Variants in CDK19 observed in about 807,000 individuals in gnomAD.
The protein encoded by CDK19 is cyclin dependent kinase 19.
In CDK19, 20 loss-of-function variants were observed where a neutral mutation model predicts 68.3. The observed-to-expected ratio is 0.29, with a 90% CI of 0.21 to 0.43. The LOEUF (loss-of-function observed/expected upper bound fraction) is 0.43, where lower values mean the gene tolerates loss of function less well. Among genes scored for constraint, CDK19 ranks in the 20% least tolerant of loss-of-function variants. CDK19 has a pLI of 1.00. For missense variants in CDK19, 339 were observed against 623.5 expected, an observed-to-expected ratio of 0.54 and a Z score of 4.86; for synonymous variants, 221 against 222.8, an observed-to-expected ratio of 0.99 and a Z score of 0.07.
intron 2 of CDK19, among the ~76,000 whole-genome samples, chr6:110,707,851 A>T (rs1316168400): frequency 5.3e-5 from 8 of 152,118 alleles, no homozygotes; most frequent in African/African-American, 1.9e-4. Context: ...AGGCACCTGT[A>T]GTCCCAGCTA....
chr6:110,806,337 T>C (rs934051391), intron 1 of CDK19, among the ~76,000 whole-genome samples: 1 of 106,356 alleles, frequency 9.4e-6, no homozygotes, highest in Non-Finnish European at 2.3e-5. Context: ...CGAAACTCCA[T>C]CTCAAAAAAA....
At chr6:110,728,201 T>C (rs1355320551) in intron 2 of CDK19, among the ~76,000 whole-genome samples, 1 of 151,676 alleles carries the variant, frequency 6.6e-6, no homozygotes, top group Non-Finnish European at 1.5e-5. Flanking sequence ...GGCAGCAGAA[T>C]TGCTTGAACC....
chr6:110,797,491 C>A (rs1185718464), intron 1 of CDK19, among the ~76,000 whole-genome samples: 1 of 151,592 alleles, frequency 6.6e-6, no homozygotes. Flanking sequence ...TTCTGTTAAC[C>A]TCTTATTAAG....
At chr6:110,741,412 G>C (rs182641606) in intron 2 of CDK19, among the ~76,000 whole-genome samples, 37 of 151,890 alleles carry the variant, frequency 2.4e-4, no homozygotes, top group Non-Finnish European at 3.8e-4. Flanking sequence ...CAGCGAGCAT[G>C]ATTATGCCAC....
intron 1 of CDK19, among the ~76,000 whole-genome samples, chr6:110,758,814 T>C (rs945364274): frequency 2.6e-5 from 4 of 152,146 alleles, no homozygotes; most frequent in African/African-American, 9.7e-5. Context: ...TATTTTGCCA[T>C]TCTTAAATCC....
chr6:110,743,145 A>G (rs932875345), intron 2 of CDK19, among the ~76,000 whole-genome samples: 3 of 152,200 alleles, frequency 2.0e-5, no homozygotes, highest in African/African-American at 4.8e-5. Context: ...GGTTCCCCCA[A>G]TAAAACAATA....
Position 110,667,556 on chromosome 6 carries a change from G to A in CDK19, c.334C>T (p.Arg112Cys), listed in dbSNP as rs1219070923. ...GGCTTTTTATTTGCTTTTGATGCAC[G>A]GTGAAACTTAATAATATGCTAAAAA... is the stretch of plus-strand genomic sequence containing the variant. The part of the protein sequence containing the change: ...HDLWHIIKFH[R>C]ASKANKKPMQ... The change falls in exon 4 of 13, where the codon CGT becomes TGT. Residue 112 changes from arginine to cysteine, a missense_variant. By Grantham distance (180) the Arg-to-Cys change is radical (BLOSUM62 -3). Around this residue, in one of 4 missense-constraint regions of CDK19, gnomAD observed 120 missense variants for 224.0 expected, o/e 0.54. Coordinates refer to ENST00000368911, the MANE Select transcript of CDK19 (RefSeq NM_015076.5). 5 of 1,545,284 alleles carry A rather than the reference G, an allele frequency of 3.2e-6. No individual in the cohort carries two copies. Among genetic ancestry groups the A allele is most frequent in the Admixed American group, 1.9e-5 (1 of 53,710 alleles).
At chr6:110,733,212 A>T (rs1368642988) in intron 2 of CDK19, among the ~76,000 whole-genome samples, 1 of 152,180 alleles carries the variant, frequency 6.6e-6, no homozygotes, top group Non-Finnish European at 1.5e-5. Context: ...CATATGTGTT[A>T]TTTTGTATCT....
intron 2 of CDK19, among the ~76,000 whole-genome samples, chr6:110,723,265 G>A: frequency 6.6e-6 from 1 of 151,756 alleles, no homozygotes; most frequent in Non-Finnish European, 1.5e-5. Flanking sequence ...CTAGGTACCA[G>A]ACATGTTGGT....
At chr6:110,741,335 ACCTGCAGTC>A in intron 2 of CDK19, among the ~76,000 whole-genome samples, 1 of 152,018 alleles carries the variant, frequency 6.6e-6, no homozygotes, top group Non-Finnish European at 1.5e-5. Flanking sequence ...GGTGGTGCAT[ACCTGCAGTC>A]CCAGCTACTT....
intron 1 of CDK19, among the ~76,000 whole-genome samples, chr6:110,750,114 T>G (rs1454547139): frequency 1.4e-5 from 2 of 145,350 alleles, no homozygotes; most frequent in Admixed American, 1.3e-4. Flanking sequence ...ATGACCTAAA[T>G]GAAGACCTGG....
chr6:110,637,686 GA>G (rs1779869255), intron 5 of CDK19, among the ~76,000 whole-genome samples: 1 of 152,188 alleles, frequency 6.6e-6, no homozygotes, highest in Non-Finnish European at 1.5e-5. Context: ...TCTAGTAAAA[GA>G]AACCAGAATA....
At chr6:110,744,858 C>T (rs1026836436) in intron 2 of CDK19, among the ~76,000 whole-genome samples, 9 of 152,300 alleles carry the variant, frequency 5.9e-5, no homozygotes, top group African/African-American at 2.2e-4. Flanking sequence ...TTTCCCACCC[C>T]ATGTGTTCTT....
intron 1 of CDK19, among the ~76,000 whole-genome samples, chr6:110,764,508 A>C (rs1192679259): frequency 1.1e-4 from 17 of 152,206 alleles, no homozygotes; most frequent in Admixed American, 1.1e-3. Flanking sequence ...ATGGAGAAAG[A>C]AGTTGTTTCA....
chr6:110,711,613 A>G (rs1337473606), intron 2 of CDK19, among the ~76,000 whole-genome samples: 1 of 152,242 alleles, frequency 6.6e-6, no homozygotes, highest in African/African-American at 2.4e-5. Context: ...TCAAAGGAAA[A>G]TATCAGGTCT....
At chr6:110,664,995 G>A (rs1484873512) in intron 4 of CDK19, among the ~76,000 whole-genome samples, 2 of 152,164 alleles carry the variant, frequency 1.3e-5, no homozygotes, top group Non-Finnish European at 2.9e-5. Flanking sequence ...CAGTAGTAAA[G>A]TATACATGAA....
chr6:110,762,037 G>A (rs1779264960), intron 1 of CDK19, among the ~76,000 whole-genome samples: 1 of 152,122 alleles, frequency 6.6e-6, no homozygotes, highest in Admixed American at 6.6e-5. Flanking sequence ...AGATGAATTT[G>A]GGGACTGATA....
chr6:110,688,793 G>A lies in CDK19; in HGVS notation c.205-18252C>T, dbSNP rs551902065. 3.0e-4 allele frequency among the ~76,000 whole-genome samples: 46 copies of A among 152,326 alleles called. No individual in the cohort carries two copies. In the South Asian group the frequency reaches 9.3e-3, roughly 31 times the overall value. On this transcript the variant is annotated intron_variant, in intron 2 of 12. Transcript: ENST00000368911. ...CATTCTACCTCACAGGGGACCTCGTGGAAGTCAGCCAGCTAACTCAGGCAG... is the reference window on the plus strand; with the variant it reads ...CATTCTACCTCACAGGGGACCTCGTAGAAGTCAGCCAGCTAACTCAGGCAG...
At chr6:110,670,243 C>T (rs1445212799) in intron 3 of CDK19, among the ~76,000 whole-genome samples, 188 bp downstream of exon 3, 1 of 144,024 alleles carries the variant, frequency 6.9e-6, no homozygotes. Flanking sequence ...ATTACAAATA[C>T]TATCTTCTCA....
Sources: allele counts gnomAD v4.1 joint callset (sites outside exome capture counted in the v4.1 genomes callset), GRCh38; gene constraint gnomAD v4.1.1; regional missense constraint gnomAD v4.1.1; transcripts MANE v1.5; gene names NCBI Gene and HGNC (gene_info 2026-07-23, HGNC 2026-07-21).